SYTL2: variants seen among roughly 807,000 people sequenced by gnomAD.
SYTL2 encodes synaptotagmin like 2, also known as synaptotagmin-like protein 2.
In SYTL2, 165 loss-of-function variants were observed where a neutral mutation model predicts 198.7. The ratio of observed to expected loss-of-function variants is 0.83; its 90% CI spans 0.73 to 0.94. The LOEUF (loss-of-function observed/expected upper bound fraction) is 0.94, where lower values mean the gene tolerates loss of function less well. SYTL2 is among the 40% of genes least tolerant of loss of function. SYTL2 has a pLI of 0.00. For missense variants in SYTL2, 2,835 were observed against 2,582.8 expected (o/e 1.10, Z -2.12); for synonymous variants, 966 against 917.7 (o/e 1.05, Z -0.95).
At chr11:85,849,406 G>C in the SYTL2 span, among the ~76,000 whole-genome samples, 5 of 152,132 alleles carry the variant, frequency 3.3e-5, no homozygotes, top group Admixed American at 6.6e-5. Flanking sequence ...TTTTCTTCTA[G>C]GGTTTTTATG....
At chr11:85,854,869 C>G in the SYTL2 span, 1 of 152,284 alleles carries the variant, frequency 6.6e-6, no homozygotes, top group African/African-American at 2.4e-5. Flanking sequence ...AGGCTTGCGA[C>G]TAAAGGGAGC....
intron 1 of SYTL2, among the ~76,000 whole-genome samples, chr11:85,782,521 T>C (rs775319820): frequency 2.0e-5 from 3 of 152,224 alleles, no homozygotes; most frequent in South Asian, 2.1e-4. Flanking sequence ...TGAATTTCTC[T>C]CCAGAAAATG....
intron 9 of SYTL2, 47 bp downstream of exon 9, chr11:85,720,811 T>G: frequency 7.2e-7 from 1 of 1,387,670 alleles, no homozygotes; most frequent in Non-Finnish European, 1.0e-6. Context: ...CATAGGCATT[T>G]TTAAGCTTAG....
intron 1 of SYTL2, among the ~76,000 whole-genome samples, chr11:85,769,472 T>C (rs2092311741): frequency 1.3e-5 from 2 of 152,252 alleles, no homozygotes; most frequent in Non-Finnish European, 2.9e-5. Context: ...TAGAGCCTCC[T>C]GAAGGAATTC....
At chr11:85,789,856 T>G (rs1410260212) in intron 1 of SYTL2, among the ~76,000 whole-genome samples, 1 of 152,174 alleles carries the variant, frequency 6.6e-6, no homozygotes, top group African/African-American at 2.4e-5. Flanking sequence ...ATGATTTCTA[T>G]TATTGAAATA....
chr11:85,706,025 T>A (rs572720862), intron 15 of SYTL2, among the ~76,000 whole-genome samples: 1 of 152,334 alleles, frequency 6.6e-6, no homozygotes, highest in African/African-American at 2.4e-5. Context: ...TAGTTTTAAA[T>A]GATCTGTTAG....
At chr11:85,787,818 A>C (rs963942055) in intron 1 of SYTL2, among the ~76,000 whole-genome samples, 3 of 147,922 alleles carry the variant, frequency 2.0e-5, no homozygotes, top group Non-Finnish European at 3.0e-5. Context: ...GGTGGGCTAG[A>C]GGTATGGAAA....
At chr11:85,757,127 T>C (rs999575255) in intron 2 of SYTL2, among the ~76,000 whole-genome samples, 8 of 152,200 alleles carry the variant, frequency 5.3e-5, no homozygotes, top group Admixed American at 1.3e-4. Flanking sequence ...CCAAGACAAA[T>C]GAAAAATTGG....
chr11:85,723,451 T>A (rs576108715), intron 8 of SYTL2, among the ~76,000 whole-genome samples: 1 of 152,354 alleles, frequency 6.6e-6, no homozygotes, highest in Admixed American at 6.5e-5. Flanking sequence ...CGGCCTTGTA[T>A]TTTGTCCCTA....
chr11:85,709,735 T>C (rs930840411), intron 13 of SYTL2, among the ~76,000 whole-genome samples: 2 of 152,202 alleles, frequency 1.3e-5, no homozygotes, highest in African/African-American at 4.8e-5. Context: ...CAGGATGGAG[T>C]GCAGTGGCTT....
Position 85,720,911 on chromosome 11 carries a change from G to A in SYTL2, c.5375C>T (p.Ala1792Val). 2 of 1,613,494 alleles carry A rather than the reference G, an allele frequency of 1.2e-6. No individual in the cohort carries two copies. The highest frequency in any genetic ancestry group is 4.5e-5 in the East Asian group (2 of 44,856). The change falls in exon 9 of 20, where the codon GCC becomes GTC. Residue 1792 changes from alanine to valine, a missense_variant. Ala to Val is a moderately conservative substitution (Grantham distance 64, BLOSUM62 0). Around this residue, in one of 3 missense-constraint regions of SYTL2, gnomAD observed 2,645 missense variants for 2,381.7 expected, o/e 1.11. Transcript: ENST00000359152. ...SPVLKTLERS[A>V]ARKMPSKSLE... ...ACTTTTGGAAGGCATTTTCCTAGCG[G>A]CACTCCTTTCCAAAGTTTTCAAAAC...
At chr11:85,843,467 C>T in the SYTL2 span, among the ~76,000 whole-genome samples, 28 of 152,180 alleles carry the variant, frequency 1.8e-4, no homozygotes, top group East Asian at 4.8e-3. Flanking sequence ...AAATACGGAA[C>T]ATAGCCTTGA....
the SYTL2 span, among the ~76,000 whole-genome samples, chr11:85,850,112 G>A: frequency 6.8e-6 from 1 of 146,596 alleles, no homozygotes; most frequent in Non-Finnish European, 1.5e-5. Flanking sequence ...GTATAAGAAT[G>A]CTTGTGATTT....
chr11:85,813,067 G>T (rs1198730834), upstream of SYTL2, among the ~76,000 whole-genome samples: 3 of 152,098 alleles, frequency 2.0e-5, no homozygotes, highest in Non-Finnish European at 4.4e-5. Flanking sequence ...TCGTCCCCTG[G>T]AAACAAATAG....
chr11:85,843,155 C>T, the SYTL2 span, among the ~76,000 whole-genome samples: 1 of 152,136 alleles, frequency 6.6e-6, no homozygotes, highest in Non-Finnish European at 1.5e-5. Context: ...GGGCAGATCA[C>T]TCGAGGTCTG....
chr11:85,694,470 G>A lies in SYTL2; in HGVS notation c.*725C>T, dbSNP rs1052438458. 6.6e-6 allele frequency: 1 copy of A among 152,122 alleles called. No individual in the cohort carries two copies. The highest frequency in any genetic ancestry group is 1.5e-5 in the Non-Finnish European group (1 of 68,010). 9.4% of individuals were successfully genotyped at this position (152,122 alleles called of 1,614,324 possible). On this transcript the variant is annotated 3_prime_UTR_variant, in exon 20 of 20. Coordinates refer to ENST00000359152, the MANE Select transcript of SYTL2 (RefSeq NM_206927.4). The stretch of plus-strand genomic sequence containing the variant: ...TTATAAGAAAAACAATCATATATAT[G>A]CAGGGTTTTAAAAAAATAAACTCAT...
At chr11:85,787,700 CCTTT>C (rs2092659123) in intron 1 of SYTL2, among the ~76,000 whole-genome samples, 2 of 107,442 alleles carry the variant, frequency 1.9e-5, no homozygotes, top group Non-Finnish European at 3.9e-5. Context: ...TTTTTCTTTT[CCTTT>C]TTTTTTTTTT....
intron 15 of SYTL2, among the ~76,000 whole-genome samples, chr11:85,706,765 A>G (rs1053111132): frequency 3.9e-5 from 6 of 152,198 alleles, no homozygotes; most frequent in African/African-American, 1.4e-4. Context: ...CATAATCAGA[A>G]TTGTGCTTTT....
intron 1 of SYTL2, among the ~76,000 whole-genome samples, chr11:85,772,738 T>C (rs2092380604): frequency 6.6e-6 from 1 of 152,212 alleles, no homozygotes; most frequent in African/African-American, 2.4e-5. Flanking sequence ...CTCAGTATAA[T>C]GCCTCACAGA....
Sources: allele counts gnomAD v4.1 joint callset (sites outside exome capture counted in the v4.1 genomes callset), GRCh38; gene constraint gnomAD v4.1.1; regional missense constraint gnomAD v4.1.1; transcripts MANE v1.5; gene names NCBI Gene and HGNC (gene_info 2026-07-23, HGNC 2026-07-21).